Variants in STXBP5L observed in about 807,000 individuals in gnomAD.
STXBP5L encodes syntaxin-binding protein 5-like.
A neutral mutation model predicts 144.5 loss-of-function variants in STXBP5L; 65 were observed. That is an observed-to-expected ratio of 0.45 (90% confidence interval 0.37 to 0.55). The LOEUF is 0.55. Ranked by LOEUF, STXBP5L falls within the 20% of genes least tolerant of loss-of-function variation. STXBP5L has a pLI of 0.00. For missense variants in STXBP5L, 1,298 were observed against 1,405.5 expected (o/e 0.92, Z 1.22); for synonymous variants, 505 against 469.6 (o/e 1.08, Z -0.97).
chr3:120,959,186 A>T (rs1938432781), intron 3 of STXBP5L, among the ~76,000 whole-genome samples: 1 of 152,186 alleles, frequency 6.6e-6, no homozygotes, highest in Non-Finnish European at 1.5e-5. Flanking sequence ...TAGGAATCCA[A>T]CTTACAAGGG....
intron 20 of STXBP5L, among the ~76,000 whole-genome samples, chr3:121,345,772 T>A (rs2044939756): frequency 6.6e-6 from 1 of 152,068 alleles, no homozygotes; most frequent in Non-Finnish European, 1.5e-5. Context: ...ATAATAAGCA[T>A]TTTCTCATGT....
intron 21 of STXBP5L, among the ~76,000 whole-genome samples, 181 bp downstream of exon 21, chr3:121,379,067 C>G (rs2046263380): frequency 6.6e-6 from 1 of 152,114 alleles, no homozygotes; most frequent in Non-Finnish European, 1.5e-5. Flanking sequence ...ACTCCACCTC[C>G]TTCCTCACCT....
chr3:121,153,539 A>G (rs184909907), intron 8 of STXBP5L, among the ~76,000 whole-genome samples: 2 of 152,104 alleles, frequency 1.3e-5, no homozygotes, highest in East Asian at 3.9e-4. Context: ...TCCTTATTTT[A>G]TCATTGGAGG....
chr3:121,106,036 A>C (rs1337111101), intron 5 of STXBP5L, among the ~76,000 whole-genome samples: 4 of 152,160 alleles, frequency 2.6e-5, no homozygotes, highest in African/African-American at 9.6e-5. Flanking sequence ...TTGTGTTTTG[A>C]TCATTAATGG....
intron 22 of STXBP5L, among the ~76,000 whole-genome samples, chr3:121,401,080 A>G (rs1423776871): frequency 6.6e-6 from 1 of 152,150 alleles, no homozygotes; most frequent in Non-Finnish European, 1.5e-5. Flanking sequence ...CAGTATTAAC[A>G]TATGACAGAA....
intron 5 of STXBP5L, among the ~76,000 whole-genome samples, chr3:121,106,490 G>A (rs772738786): frequency 2.0e-5 from 3 of 152,106 alleles, no homozygotes; most frequent in Non-Finnish European, 2.9e-5. Flanking sequence ...GTGAGAACAT[G>A]CGGTGTTTGG....
chr3:121,196,613 T>C (rs2047929975), intron 9 of STXBP5L, among the ~76,000 whole-genome samples: 1 of 152,166 alleles, frequency 6.6e-6, no homozygotes, highest in Admixed American at 6.6e-5. Context: ...TTTTTATTTT[T>C]CTATATTTTA....
chr3:120,928,509 C>T (rs1015494484), intron 2 of STXBP5L, among the ~76,000 whole-genome samples: 4 of 152,292 alleles, frequency 2.6e-5, no homozygotes, highest in African/African-American at 9.6e-5. Flanking sequence ...GATCTGCCCT[C>T]CTTGGCCTCC....
intron 3 of STXBP5L, among the ~76,000 whole-genome samples, chr3:121,022,064 C>G (rs647607): frequency 6.6e-6 from 1 of 151,766 alleles, no homozygotes. Flanking sequence ...AAATAAACCC[C>G]ATTAGAAATG....
intron 20 of STXBP5L, among the ~76,000 whole-genome samples, chr3:121,353,847 G>A (rs1192176892): frequency 6.6e-6 from 1 of 152,146 alleles, no homozygotes; most frequent in Non-Finnish European, 1.5e-5. Context: ...TCTACACACT[G>A]CTTTAAATGT....
At chr3:121,294,044 G>T (rs931689765) in intron 19 of STXBP5L, among the ~76,000 whole-genome samples, 1 of 152,316 alleles carries the variant, frequency 6.6e-6, no homozygotes, top group East Asian at 1.9e-4. Flanking sequence ...GTAATTACAA[G>T]AAATTATATT....
intron 9 of STXBP5L, among the ~76,000 whole-genome samples, chr3:121,194,943 G>A (rs1238746583): frequency 9.5e-6 from 1 of 104,748 alleles, no homozygotes; most frequent in Non-Finnish European, 1.7e-5. Flanking sequence ...TTGAGATGAA[G>A]TCTAGCTCTG....
At chr3:120,993,605 G>C (rs553576442) in intron 3 of STXBP5L, among the ~76,000 whole-genome samples, 1 of 151,892 alleles carries the variant, frequency 6.6e-6, no homozygotes, top group East Asian at 1.9e-4. Flanking sequence ...CAAATGAGTT[G>C]GTTGTAAATA....
intron 18 of STXBP5L, among the ~76,000 whole-genome samples, chr3:121,279,396 GTT>G (rs1372361561): frequency 3.9e-5 from 6 of 151,968 alleles, no homozygotes; most frequent in African/African-American, 1.2e-4. Context: ...GAGTCTAGTA[GTT>G]ATAATTTTAT....
chr3:120,993,777 A>G (rs1943118800), intron 3 of STXBP5L, among the ~76,000 whole-genome samples: 1 of 151,746 alleles, frequency 6.6e-6, no homozygotes, highest in Non-Finnish European at 1.5e-5. Flanking sequence ...TGCTTTTGCT[A>G]CTCAGGCTCT....
intron 11 of STXBP5L, among the ~76,000 whole-genome samples, chr3:121,228,918 G>A (rs2049211554): frequency 6.6e-6 from 1 of 152,108 alleles, no homozygotes; most frequent in South Asian, 2.1e-4. Flanking sequence ...AACCTTTGTT[G>A]TTTTAACATA....
chr3:121,142,748 C>T (rs2045558218), intron 7 of STXBP5L, among the ~76,000 whole-genome samples: 1 of 151,546 alleles, frequency 6.6e-6, no homozygotes, highest in African/African-American at 2.4e-5. Context: ...GCAGCAAAAG[C>T]AATACTAAGA....
intron 9 of STXBP5L, among the ~76,000 whole-genome samples, chr3:121,171,285 G>GA (rs2046705689): frequency 6.6e-6 from 1 of 152,130 alleles, no homozygotes; most frequent in African/African-American, 2.4e-5. Flanking sequence ...CATTCCCTTT[G>GA]AAAACTGGCA....
chr3:120,999,035 C>A (rs1259785295), intron 3 of STXBP5L, among the ~76,000 whole-genome samples: 1 of 152,000 alleles, frequency 6.6e-6, no homozygotes, highest in East Asian at 1.9e-4. Flanking sequence ...GTGAGATCTT[C>A]ATATTGATTT....
Sources: allele counts gnomAD v4.1 joint callset (sites outside exome capture counted in the v4.1 genomes callset), GRCh38; gene constraint gnomAD v4.1.1; transcripts MANE v1.5; gene names NCBI Gene and HGNC (gene_info 2026-07-23, HGNC 2026-07-21).